The following TMPRSS11A variants were observed in gnomAD, a reference collection of about 807,000 sequenced individuals.
TMPRSS11A encodes transmembrane protease serine 11A.
Under a neutral mutation model 58.9 loss-of-function variants are expected in TMPRSS11A, and 53 were observed. That is an observed-to-expected ratio of 0.90 (90% CI 0.72 to 1.13). TMPRSS11A has a LOEUF of 1.13. Among genes scored for constraint, TMPRSS11A ranks in the 50% most tolerant of loss-of-function variants. The pLI, the probability that TMPRSS11A is intolerant of heterozygous loss-of-function variation, is 0.00. For missense variants in TMPRSS11A, 493 were observed against 499.3 expected, an observed-to-expected ratio of 0.99 and a Z score of 0.12; for synonymous variants, 167 against 169.8, an observed-to-expected ratio of 0.98 and a Z score of 0.13.
At chr4:67,923,026 T>A in intron 6 of TMPRSS11A, 100 bp from the exon 7 acceptor site, 1 of 1,119,200 alleles carries the variant, frequency 8.9e-7, no homozygotes, top group South Asian at 1.4e-5. Flanking sequence ...ATACTACTCC[T>A]CCTGCCCAGG....
chr4:67,951,356 A>G (rs1721156675), intron 1 of TMPRSS11A, among the ~76,000 whole-genome samples: 1 of 152,244 alleles, frequency 6.6e-6, no homozygotes, highest in Admixed American at 6.5e-5. Context: ...TAATGATCAG[A>G]GCTGAGAATT....
intron 7 of TMPRSS11A, 113 bp from the exon 8 acceptor site, chr4:67,919,345 G>T: frequency 1.1e-6 from 1 of 946,772 alleles, no homozygotes; most frequent in Non-Finnish European, 1.6e-6. Context: ...ATACTTGGCT[G>T]CAGTTATAGT....
At position 67,941,078 on chromosome 4, in the gene TMPRSS11A, A is replaced by T. The variant is rs191396210; in HGVS notation, c.252+3441T>A. On this transcript the variant is annotated intron_variant, in intron 3 of 9. Transcript: ENST00000508048. ...ATGAGAGATGAGATATGTCTGCTCC[A>T]CTATCTCAGGGAACAGGGGCGGATT... Among the ~76,000 whole-genome samples the T allele has an allele frequency of 2.0e-5, 3 of 152,296 alleles. No homozygotes were observed. The East Asian group carries it at 5.8e-4, about 29-fold the overall frequency.
intron 1 of TMPRSS11A, among the ~76,000 whole-genome samples, chr4:67,959,029 A>G (rs1044937145): frequency 6.6e-6 from 1 of 152,208 alleles, no homozygotes; most frequent in East Asian, 1.9e-4. Flanking sequence ...CTGTGAGTGC[A>G]TTAAACCTCT....
At chr4:67,936,220 C>A (rs1184894253) in intron 3 of TMPRSS11A, among the ~76,000 whole-genome samples, 5 of 152,060 alleles carry the variant, frequency 3.3e-5, no homozygotes, top group Admixed American at 3.3e-4. Context: ...AACTGTTGCA[C>A]CCCTCTCCAA....
At chr4:67,926,934 G>A (rs1411865771) in intron 5 of TMPRSS11A, among the ~76,000 whole-genome samples, 1 of 152,164 alleles carries the variant, frequency 6.6e-6, no homozygotes, top group East Asian at 1.9e-4. Context: ...GCTGAAAGCT[G>A]AACACTCAAC....
intron 3 of TMPRSS11A, among the ~76,000 whole-genome samples, chr4:67,941,455 T>G (rs1446167344): frequency 1.3e-5 from 2 of 152,222 alleles, no homozygotes; most frequent in African/African-American, 4.8e-5. Flanking sequence ...CTGTACTTAC[T>G]GTCCTCAACA....
At chr4:67,926,979 C>T (rs1488913208) in intron 5 of TMPRSS11A, among the ~76,000 whole-genome samples, 1 of 152,150 alleles carries the variant, frequency 6.6e-6, no homozygotes, top group Non-Finnish European at 1.5e-5. Flanking sequence ...GCTTCTACCT[C>T]CAGGGCCTCC....
intron 1 of TMPRSS11A, among the ~76,000 whole-genome samples, chr4:67,954,589 C>T (rs1721240147): frequency 6.6e-6 from 1 of 152,218 alleles, no homozygotes; most frequent in Non-Finnish European, 1.5e-5. Flanking sequence ...GTTTTATCAT[C>T]CTAGCTTATA....
At position 67,932,072 on chromosome 4, in the gene TMPRSS11A, C is replaced by G; in HGVS notation, c.253-12G>C. 6.9e-7 allele frequency: 1 copy of G among 1,455,818 alleles called. No homozygotes were observed. Among genetic ancestry groups the G allele is most frequent in the Non-Finnish European group, 9.6e-7 (1 of 1,038,236 alleles). 90.2% of individuals were successfully genotyped at this position (1,455,818 alleles called of 1,614,324 possible). The stretch of plus-strand genomic sequence containing the variant: ...AATATCTCATCCACCTGTTACACAA[C>G]AAGAGAGAAACTATGTGTTAATAAT... On this transcript the variant is annotated splice_polypyrimidine_tract_variant and intron_variant, in intron 3 of 9. Transcript: ENST00000508048.
At chr4:67,929,409 A>G (rs1165929961) in intron 5 of TMPRSS11A, among the ~76,000 whole-genome samples, 1 of 152,246 alleles carries the variant, frequency 6.6e-6, no homozygotes, top group Non-Finnish European at 1.5e-5. Context: ...TGACTCTAAC[A>G]ACTTCAAAGT....
chr4:67,946,993 T>C (rs1300617376), intron 1 of TMPRSS11A, among the ~76,000 whole-genome samples: 1 of 152,210 alleles, frequency 6.6e-6, no homozygotes, highest in South Asian at 2.1e-4. Flanking sequence ...TTAAGTATTA[T>C]GAAAATGTTC....
At position 67,916,039 on chromosome 4, in the gene TMPRSS11A, C is replaced by A. The variant is rs543713998; in HGVS notation, c.953-1309G>T. Among the ~76,000 whole-genome samples the A allele has an allele frequency of 7.9e-5, 12 of 152,266 alleles. No individual in the cohort carries two copies. In the South Asian group the frequency reaches 2.5e-3, roughly 32 times the overall value. On this transcript the variant is annotated intron_variant, in intron 8 of 9. Coordinates refer to ENST00000508048, the MANE Select transcript of TMPRSS11A (RefSeq NM_001114387.2). ...AATATGAATTTGTTGACCAGCATCTCCCTAACTCCTTCCCCTGTAAAGACC... is the reference window on the plus strand; with the variant it reads ...AATATGAATTTGTTGACCAGCATCTACCTAACTCCTTCCCCTGTAAAGACC...
intron 4 of TMPRSS11A, among the ~76,000 whole-genome samples, chr4:67,931,675 G>A (rs543742727): frequency 3.9e-4 from 60 of 152,266 alleles, no homozygotes; most frequent in African/African-American, 1.3e-3. Flanking sequence ...CAAGCTGCTG[G>A]GTTTTCCCCA....
At chr4:67,934,983 G>C (rs1720717506) in intron 3 of TMPRSS11A, among the ~76,000 whole-genome samples, 1 of 151,980 alleles carries the variant, frequency 6.6e-6, no homozygotes, top group Admixed American at 6.6e-5. Context: ...CACCAGGTGA[G>C]CTCCTTAGAA....
At chr4:67,949,473 T>C (rs7680472) in intron 1 of TMPRSS11A, among the ~76,000 whole-genome samples, 100,490 of 152,122 alleles carry the variant, frequency 0.66, 37,036 homozygotes, top group Non-Finnish European at 0.83. Flanking sequence ...ACAGAAGCCA[T>C]AGGTTAAAGC....
chr4:67,952,849 A>G (rs1721195763), intron 1 of TMPRSS11A, among the ~76,000 whole-genome samples: 1 of 152,202 alleles, frequency 6.6e-6, no homozygotes, highest in South Asian at 2.1e-4. Flanking sequence ...GCATTTCTCA[A>G]ATAGTGTTTC....
rs377182600 is a variant in TMPRSS11A at position 67,944,643 on chromosome 4, A to G, written c.134-6T>C. 1.2e-6 allele frequency: 2 copies of G among 1,605,502 alleles called. No individual in the cohort carries two copies. The highest frequency in any genetic ancestry group is 2.7e-5 in the African/African-American group (2 of 74,264). ...ATAGTACTCCTTTTTTTGGTCTGCA[A>G]TGGAAATGAAAAATAGGAAACTAAA... On this transcript the variant is annotated splice_region_variant and splice_polypyrimidine_tract_variant and intron_variant, in intron 2 of 9. Transcript: ENST00000508048.
intron 9 of TMPRSS11A, among the ~76,000 whole-genome samples, chr4:67,913,919 G>T (rs1214495461): frequency 6.6e-6 from 1 of 152,168 alleles, no homozygotes; most frequent in African/African-American, 2.4e-5. Flanking sequence ...AGGAAGAAAC[G>T]TACCTTCGCT....
Sources: gnomAD v4.1 joint callset for allele counts (sites outside exome capture counted in the v4.1 genomes callset) on GRCh38, gnomAD v4.1.1 for gene constraint, MANE v1.5 for transcripts, NCBI Gene and HGNC (gene_info 2026-07-23, HGNC 2026-07-21) for gene names.